Variants in STXBP5L observed in about 807,000 individuals in gnomAD.
The protein encoded by STXBP5L is syntaxin binding protein 5L, also known as syntaxin-binding protein 5-like.
STXBP5L carries 65 observed loss-of-function variants against 144.5 expected under a neutral mutation model. That is an observed-to-expected ratio of 0.45 (90% CI 0.37 to 0.55). The LOEUF (loss-of-function observed/expected upper bound fraction) is 0.55. Ranked by LOEUF, STXBP5L falls within the 20% of genes least tolerant of loss-of-function variation. STXBP5L has a pLI of 0.00. For missense variants in STXBP5L, 1,298 were observed against 1,405.5 expected (o/e 0.92, Z 1.22); for synonymous variants, 505 against 469.6 (o/e 1.08, Z -0.97).
intron 11 of STXBP5L, among the ~76,000 whole-genome samples, chr3:121,225,135 G>A (rs1405903928): frequency 6.6e-6 from 1 of 152,074 alleles, no homozygotes; most frequent in East Asian, 1.9e-4. Context: ...TGCCGGAAAG[G>A]TTTCTGACCA....
chr3:121,322,294 C>A (rs927128265), intron 20 of STXBP5L, among the ~76,000 whole-genome samples: 2 of 152,066 alleles, frequency 1.3e-5, no homozygotes, highest in Non-Finnish European at 2.9e-5. Flanking sequence ...GCCTAACCAA[C>A]ATGGAGAAAC....
At chr3:121,295,383 T>G (rs1452534196) in intron 19 of STXBP5L, among the ~76,000 whole-genome samples, 1 of 152,094 alleles carries the variant, frequency 6.6e-6, no homozygotes, top group Non-Finnish European at 1.5e-5. Flanking sequence ...ATGAAACAAG[T>G]GATTGTTATA....
At chr3:121,071,861 C>G (rs1444806411) in intron 5 of STXBP5L, among the ~76,000 whole-genome samples, 1 of 152,212 alleles carries the variant, frequency 6.6e-6, no homozygotes, top group African/African-American at 2.4e-5. Flanking sequence ...TGGCCAAACA[C>G]TATCTCATAG....
At chr3:121,398,961 T>C (rs543640890) in intron 22 of STXBP5L, among the ~76,000 whole-genome samples, 3 of 152,048 alleles carry the variant, frequency 2.0e-5, no homozygotes, top group Non-Finnish European at 4.4e-5. Flanking sequence ...GAACAGACAC[T>C]GGGGCAACTA....
chr3:121,057,179 G>A (rs542451004), intron 5 of STXBP5L, among the ~76,000 whole-genome samples: 12 of 151,862 alleles, frequency 7.9e-5, no homozygotes, highest in East Asian at 1.9e-4. Context: ...AAAAGAAGCC[G>A]AAAGAAAACT....
intron 19 of STXBP5L, among the ~76,000 whole-genome samples, chr3:121,314,082 G>A (rs1238439247): frequency 5.4e-5 from 8 of 148,246 alleles, no homozygotes; most frequent in Middle Eastern, 3.5e-3. Context: ...ATGGGATGGC[G>A]GCCGGGCAGA....
chr3:120,977,988 C>T (rs1259304251), intron 3 of STXBP5L, among the ~76,000 whole-genome samples: 2 of 152,168 alleles, frequency 1.3e-5, no homozygotes, highest in Non-Finnish European at 2.9e-5. Flanking sequence ...TTTTTTCCTT[C>T]ATTTCAACTT....
rs1377879447 is a variant in STXBP5L, at chr3:121,313,256, G to A, written c.2111-5219G>A. Among the ~76,000 whole-genome samples, 48 of 142,476 alleles carry A rather than the reference G, an allele frequency of 3.4e-4. No homozygotes were observed. In the East Asian group the frequency reaches 5.6e-3, roughly 17 times the overall value. 93.5% of individuals were successfully genotyped at this position (142,476 alleles called of 152,430 possible). ...TCCCTCCCGGACGGGGCGGCTGGCCGGGCAGAGGGGCTCCTCACTTCCCAG... is the reference window on the plus strand; with the variant it reads ...TCCCTCCCGGACGGGGCGGCTGGCCAGGCAGAGGGGCTCCTCACTTCCCAG... On this transcript the variant is annotated intron_variant, in intron 19 of 26. Coordinates refer to ENST00000471454, the MANE Select transcript of STXBP5L (RefSeq NM_001308330.2).
chr3:121,060,797 T>C (rs1476209561), intron 5 of STXBP5L, among the ~76,000 whole-genome samples: 1 of 152,248 alleles, frequency 6.6e-6, no homozygotes, highest in Non-Finnish European at 1.5e-5. Flanking sequence ...TAGTTTGTAT[T>C]TCTGTGGGAT....
At position 121,342,464 on chromosome 3, in the gene STXBP5L, A is replaced by T. The variant is rs544766990; in HGVS notation, c.2176+23924A>T. 4.6e-4 allele frequency among the ~76,000 whole-genome samples: 69 copies of T among 151,458 alleles called. 1 individual carries two copies. The highest frequency in any genetic ancestry group is 1.5e-3 in the African/African-American group (63 of 41,312). The stretch of plus-strand genomic sequence containing the variant: ...TGCACCCATTAACTCGTCATTTAGC[A>T]TTAGGTATATCTCCCACAGCTATCC... On this transcript the variant is annotated intron_variant, in intron 20 of 26. Transcript: ENST00000471454.
At chr3:121,211,548 G>C (rs1034806536) in intron 10 of STXBP5L, among the ~76,000 whole-genome samples, 7 of 148,768 alleles carry the variant, frequency 4.7e-5, no homozygotes, top group African/African-American at 1.7e-4. Flanking sequence ...ATCTTCTCCA[G>C]CATCTCTTAT....
intron 5 of STXBP5L, among the ~76,000 whole-genome samples, chr3:121,057,173 G>T (rs1250376211): frequency 6.6e-6 from 1 of 151,832 alleles, no homozygotes; most frequent in Non-Finnish European, 1.5e-5. Flanking sequence ...CTGAGCAAAA[G>T]AAGCCGAAAG....
rs778143089 is a variant in STXBP5L, at chr3:121,235,816, A to AAC, written c.1184+2152_1184+2153dup. Among the ~76,000 whole-genome samples the AAC allele has an allele frequency of 6.4e-3, 958 of 149,134 alleles. 3 individuals are homozygous for AAC. Among genetic ancestry groups the AAC allele is most frequent in the African/African-American group, 0.013 (539 of 40,578 alleles). The stretch of plus-strand genomic sequence containing the variant: ...TTGGTGGAAAGAGAACTCCTGCCAG[A>AAC]ACACACACACACACACACACACACA... On this transcript the variant is annotated intron_variant, in intron 12 of 26. Transcript: ENST00000471454.
chr3:121,193,466 T>C (rs1187648863), intron 9 of STXBP5L, among the ~76,000 whole-genome samples: 1 of 151,640 alleles, frequency 6.6e-6, no homozygotes, highest in Non-Finnish European at 1.5e-5. Context: ...GCCATCCCAT[T>C]ACTGGGTATG....
chr3:121,074,874 C>G (rs2041957456), intron 5 of STXBP5L, among the ~76,000 whole-genome samples: 1 of 152,180 alleles, frequency 6.6e-6, no homozygotes, highest in Non-Finnish European at 1.5e-5. Context: ...ACCTGCTGTC[C>G]TCCAATCACA....
intron 5 of STXBP5L, among the ~76,000 whole-genome samples, chr3:121,072,158 G>A (rs963859148): frequency 5.3e-5 from 8 of 152,194 alleles, no homozygotes; most frequent in East Asian, 1.9e-4. Flanking sequence ...ATGTCCTTTA[G>A]TAAGATTCTG....
chr3:120,979,458 T>C (rs1008155812), intron 3 of STXBP5L, among the ~76,000 whole-genome samples: 1 of 152,136 alleles, frequency 6.6e-6, no homozygotes, highest in African/African-American at 2.4e-5. Context: ...GTCACCCCTT[T>C]CTTTGACTAG....
At chr3:121,224,405 T>C (rs1403903583) in intron 11 of STXBP5L, among the ~76,000 whole-genome samples, 2 of 152,148 alleles carry the variant, frequency 1.3e-5, no homozygotes, top group African/African-American at 4.8e-5. Context: ...GACAGACAAT[T>C]TACTTATGTT....
At chr3:121,016,492 A>C (rs1945155860) in intron 3 of STXBP5L, among the ~76,000 whole-genome samples, 1 of 152,220 alleles carries the variant, frequency 6.6e-6, no homozygotes, top group Non-Finnish European at 1.5e-5. Flanking sequence ...TCTATAGATT[A>C]GACTCAGACA....
Sources: allele counts gnomAD v4.1 joint callset (sites outside exome capture counted in the v4.1 genomes callset), GRCh38; gene constraint gnomAD v4.1.1; transcripts MANE v1.5; gene names NCBI Gene and HGNC (gene_info 2026-07-23, HGNC 2026-07-21).